Variants in VPS8 observed in about 807,000 individuals in gnomAD.
The protein encoded by VPS8 is vacuolar protein sorting-associated protein 8 homolog.
A neutral mutation model predicts 216.4 loss-of-function variants in VPS8; 129 were observed. The ratio of observed to expected loss-of-function variants is 0.60; its 90% CI spans 0.52 to 0.69. The LOEUF (loss-of-function observed/expected upper bound fraction) is 0.69, where lower values mean the gene tolerates loss of function less well. Ranked by LOEUF, VPS8 falls within the 30% of genes least tolerant of loss-of-function variation. The pLI, the probability that VPS8 is intolerant of heterozygous loss-of-function variation, is 0.00. For missense variants in VPS8, 1,531 were observed against 1,683.5 expected (o/e 0.91, Z 1.59); for synonymous variants, 571 against 565.4 (o/e 1.01, Z -0.14).
intron 40 of VPS8, among the ~76,000 whole-genome samples, chr3:184,975,606 G>C (rs1464621170): frequency 6.6e-6 from 1 of 152,064 alleles, no homozygotes; most frequent in African/African-American, 2.4e-5. Flanking sequence ...AGTGGTAAAA[G>C]TGGGCATCAT....
intron 28 of VPS8, among the ~76,000 whole-genome samples, chr3:184,915,961 C>A (rs1366579808): frequency 6.6e-6 from 1 of 152,132 alleles, no homozygotes; most frequent in African/African-American, 2.4e-5. Context: ...TTGCCTTCCT[C>A]CCTTTCCCTC....
At chr3:184,925,866 T>C (rs1739514056) in intron 30 of VPS8, among the ~76,000 whole-genome samples, 1 of 149,992 alleles carries the variant, frequency 6.7e-6, no homozygotes, top group Non-Finnish European at 1.5e-5. Flanking sequence ...CTTGGCCTCC[T>C]GGGTTCAAGT....
At chr3:185,031,069 T>G (rs1223109773) in intron 46 of VPS8, among the ~76,000 whole-genome samples, 2 of 140,584 alleles carry the variant, frequency 1.4e-5, no homozygotes, top group Non-Finnish European at 1.5e-5. Flanking sequence ...TGGCGTTTTT[T>G]TTTTTTTTTT....
chr3:184,843,160 A>T, intron 7 of VPS8, 80 bp from the exon 8 acceptor site: 1 of 1,101,746 alleles, frequency 9.1e-7, no homozygotes, highest in Non-Finnish European at 1.2e-6. Flanking sequence ...GAAATTTTTT[A>T]CCTGCCTTTT....
At chr3:185,029,156 C>CT (rs1757770120) in intron 46 of VPS8, among the ~76,000 whole-genome samples, 1 of 152,142 alleles carries the variant, frequency 6.6e-6, no homozygotes, top group South Asian at 2.1e-4. Context: ...TGTGGATATG[C>CT]TTGTATGCTC....
chr3:184,964,498 A>G lies in VPS8; in HGVS notation c.3214A>G (p.Thr1072Ala), dbSNP rs370635941. The G allele has an allele frequency of 1.1e-4, 161 of 1,517,836 alleles. No individual in the cohort carries two copies. The highest frequency in any genetic ancestry group is 1.3e-4 in the Non-Finnish European group (151 of 1,127,646). 94.0% of individuals were successfully genotyped at this position (1,517,836 alleles called of 1,614,324 possible). A position where few individuals can be genotyped will look rare whatever the true frequency, so the allele number is the denominator to read the frequency against. Residue 1072 changes from threonine (T) to alanine (A), a missense_variant, in exon 38 of 48, where the codon ACC (threonine) becomes GCC (alanine). This residue lies in a region of VPS8 where 1,318 missense variants were observed against 1,468.4 expected (regional missense o/e 0.90). Transcript: ENST00000625842. ...ITQKYQLHEV[T>A]AYLLEKKGDI... ...TCAGAAGTATCAACTTCATGAAGTC[A>G]CCGCTTATCTATTGGAAAAGAAAGG...
intron 36 of VPS8, among the ~76,000 whole-genome samples, chr3:184,948,897 A>G (rs965561209): frequency 6.6e-6 from 1 of 152,204 alleles, no homozygotes; most frequent in African/African-American, 2.4e-5. Context: ...CTGTCCCTGA[A>G]ATCATTAGGC....
intron 15 of VPS8, among the ~76,000 whole-genome samples, chr3:184,860,890 C>A (rs1391830808): frequency 3.3e-5 from 5 of 150,252 alleles, no homozygotes; most frequent in Non-Finnish European, 7.4e-5. Context: ...GGTGCGATCT[C>A]GGCTCACTGC....
intron 1 of VPS8, among the ~76,000 whole-genome samples, chr3:184,823,128 A>G (rs1468937427): frequency 6.6e-6 from 1 of 152,222 alleles, no homozygotes. Flanking sequence ...AATTATAGGT[A>G]CTAAAATAAT....
chr3:185,052,349 G>A lies in VPS8; in HGVS notation c.*324G>A. Reference sequence around the variant, plus strand: ...CTTTTTCCATTTACCCTGAAGCCTAGAAAGTAGGTGGAACTCACACAAATG... The same window carrying A: ...CTTTTTCCATTTACCCTGAAGCCTAAAAAGTAGGTGGAACTCACACAAATG... On this transcript the variant is annotated 3_prime_UTR_variant, in exon 48 of 48. Transcript: ENST00000625842. 1 of 204,518 alleles carries A rather than the reference G, an allele frequency of 4.9e-6. No individual in the cohort carries two copies. Among genetic ancestry groups the A allele is most frequent in the Middle Eastern group, 1.8e-3 (1 of 552 alleles). 12.7% of individuals were successfully genotyped at this position (204,518 alleles called of 1,614,324 possible).
At chr3:184,878,141 A>G (rs1056955355) in intron 21 of VPS8, among the ~76,000 whole-genome samples, 4 of 151,490 alleles carry the variant, frequency 2.6e-5, no homozygotes, top group Non-Finnish European at 5.9e-5. Flanking sequence ...ATGGAGTCTC[A>G]CTCTTGTCCT....
intron 28 of VPS8, among the ~76,000 whole-genome samples, chr3:184,918,483 A>C (rs1468168385): frequency 1.3e-5 from 2 of 152,208 alleles, no homozygotes; most frequent in Non-Finnish European, 2.9e-5. Context: ...TAATGGTCTA[A>C]CAATGTGCCA....
chr3:184,895,235 C>T (rs542460041), intron 23 of VPS8, among the ~76,000 whole-genome samples: 12 of 152,134 alleles, frequency 7.9e-5, no homozygotes, highest in African/African-American at 2.7e-4. Context: ...TAACTGATCC[C>T]TCTTTATCAG....
intron 16 of VPS8, 82 bp from the exon 17 acceptor site, chr3:184,866,794 A>G: frequency 7.8e-7 from 1 of 1,283,570 alleles, no homozygotes; most frequent in Non-Finnish European, 1.1e-6. Flanking sequence ...CTAATAAGTC[A>G]TTAATAGTGA....
At chr3:184,902,253 G>A (rs1281865480) in intron 25 of VPS8, among the ~76,000 whole-genome samples, 6 of 151,784 alleles carry the variant, frequency 4.0e-5, no homozygotes, top group Non-Finnish European at 2.9e-5. Context: ...CCAGGCAGGC[G>A]GATCATGAGG....
At chr3:184,927,138 G>C (rs1739809768) in intron 31 of VPS8, among the ~76,000 whole-genome samples, 1 of 152,154 alleles carries the variant, frequency 6.6e-6, no homozygotes, top group South Asian at 2.1e-4. Flanking sequence ...GTAACTGTTT[G>C]AGTACCACTT....
At chr3:184,905,586 G>T in intron 25 of VPS8, among the ~76,000 whole-genome samples, 1 of 145,306 alleles carries the variant, frequency 6.9e-6, no homozygotes, top group African/African-American at 2.5e-5. Context: ...TCAGTTCTTT[G>T]GGTTAGAAGC....
intron 36 of VPS8, 53 bp downstream of exon 36, chr3:184,940,296 TAAAAG>T (rs1041502376): frequency 2.2e-5 from 12 of 535,426 alleles, no homozygotes; most frequent in African/African-American, 2.1e-4. Context: ...ATATGAGAAA[TAAAAG>T]GAAATAAATA....
At position 184,894,918 on chromosome 3, in the gene VPS8, T is replaced by G. The variant is rs534165708; in HGVS notation, c.1997T>G (p.Ile666Ser). 1 of 1,602,240 alleles carries G rather than the reference T, an allele frequency of 6.2e-7. No individual in the cohort carries two copies. Among genetic ancestry groups the G allele is most frequent in the African/African-American group, 1.3e-5 (1 of 74,828 alleles). ...IVHMDITSLD[I>S]QQVVLMCWEN... is the part of the protein sequence containing the mutation. ...CATATGGATATCACCAGCCTAGATATTCAGCAGGTGAGTTTATAGACAGTC... is the reference window on the plus strand; with the variant it reads ...CATATGGATATCACCAGCCTAGATAGTCAGCAGGTGAGTTTATAGACAGTC... The change falls in exon 23 of 48, where the codon ATT becomes AGT. Residue 666 changes from isoleucine to serine, a missense_variant. Ile to Ser is a moderately radical substitution (Grantham distance 142). Around this residue, in one of 3 missense-constraint regions of VPS8, gnomAD observed 1,318 missense variants for 1,468.4 expected, o/e 0.90. Coordinates refer to ENST00000625842, the MANE Select transcript of VPS8 (RefSeq NM_001009921.3).
Sources: gnomAD v4.1 joint callset for allele counts (sites outside exome capture counted in the v4.1 genomes callset) on GRCh38, gnomAD v4.1.1 for gene constraint, gnomAD v4.1.1 regional missense constraint, MANE v1.5 for transcripts, NCBI Gene and HGNC (gene_info 2026-07-23, HGNC 2026-07-21) for gene names.